TSPAN15: variants seen among roughly 807,000 people sequenced by gnomAD.
TSPAN15 encodes the protein tetraspanin 15, also known as tetraspanin-15.
Under a neutral mutation model 34.5 loss-of-function variants are expected in TSPAN15, and 20 were observed. That is an observed-to-expected ratio of 0.58 (90% CI 0.41 to 0.84). The LOEUF (loss-of-function observed/expected upper bound fraction) is 0.84, where lower values mean the gene tolerates loss of function less well. TSPAN15 is among the 40% of genes least tolerant of loss of function. TSPAN15 has a pLI of 0.00. For missense variants in TSPAN15, 313 were observed against 386.1 expected, an observed-to-expected ratio of 0.81 and a Z score of 1.59; for synonymous variants, 155 against 153.9, an observed-to-expected ratio of 1.01 and a Z score of -0.05.
chr10:69,503,982 C>T (rs1264908362), intron 5 of TSPAN15, among the ~76,000 whole-genome samples: 1 of 152,194 alleles, frequency 6.6e-6, no homozygotes, highest in Admixed American at 6.5e-5. Context: ...GAAGCATGGC[C>T]AGGGGCCCTG....
chr10:69,541,730 G>A, the TSPAN15 span, among the ~76,000 whole-genome samples: 1 of 152,248 alleles, frequency 6.6e-6, no homozygotes, highest in Non-Finnish European at 1.5e-5. Flanking sequence ...GCAGCTGCAG[G>A]TTCAACACCT....
chr10:69,502,305 C>T (rs149032129), intron 5 of TSPAN15, among the ~76,000 whole-genome samples: 125 of 152,308 alleles, frequency 8.2e-4, no homozygotes, highest in African/African-American at 2.9e-3. Flanking sequence ...CAGAGGGCAG[C>T]GTGCTTCTAC....
intron 1 of TSPAN15, among the ~76,000 whole-genome samples, chr10:69,464,465 C>G (rs1338064986): frequency 1.3e-5 from 2 of 152,202 alleles, no homozygotes; most frequent in African/African-American, 4.8e-5. Flanking sequence ...GGGCCATGCC[C>G]TACTGCTGGT....
At chr10:69,518,997 A>G in the TSPAN15 span, among the ~76,000 whole-genome samples, 1 of 152,264 alleles carries the variant, frequency 6.6e-6, no homozygotes, top group Non-Finnish European at 1.5e-5. Context: ...TGTTTATAAT[A>G]GTGAAAAATG....
chr10:69,529,167 G>A, the TSPAN15 span, among the ~76,000 whole-genome samples: 2 of 148,058 alleles, frequency 1.4e-5, no homozygotes, highest in African/African-American at 2.5e-5. Context: ...AGTCCTTCCC[G>A]GGTTCCCAAG....
At chr10:69,495,731 C>G (rs763069359) in intron 4 of TSPAN15, 42 bp downstream of exon 4, 1 of 1,388,264 alleles carries the variant, frequency 7.2e-7, no homozygotes, top group African/African-American at 1.4e-5. Context: ...CTCCCGTGCT[C>G]TTAGCCCCCC....
chr10:69,470,690 C>T (rs1459297810), intron 1 of TSPAN15, among the ~76,000 whole-genome samples: 1 of 152,158 alleles, frequency 6.6e-6, no homozygotes, highest in Non-Finnish European at 1.5e-5. Context: ...AGTCCGAGAC[C>T]AGCCTGGGCA....
At chr10:69,521,378 T>C in the TSPAN15 span, among the ~76,000 whole-genome samples, 3 of 145,752 alleles carry the variant, frequency 2.1e-5, no homozygotes, top group Non-Finnish European at 4.5e-5. Context: ...GGTGTGGTGG[T>C]GCACACCTGT....
At chr10:69,498,920 G>A (rs1310439316) in intron 5 of TSPAN15, among the ~76,000 whole-genome samples, 1 of 152,192 alleles carries the variant, frequency 6.6e-6, no homozygotes, top group East Asian at 1.9e-4. Flanking sequence ...TGCAGCATTA[G>A]TGGAGGCAGG....
At chr10:69,501,383 A>G (rs1842204804) in intron 5 of TSPAN15, among the ~76,000 whole-genome samples, 1 of 152,196 alleles carries the variant, frequency 6.6e-6, no homozygotes, top group African/African-American at 2.4e-5. Flanking sequence ...ACACATGACC[A>G]TTGAGTCTCC....
chr10:69,523,347 C>T, the TSPAN15 span: 25 of 542,082 alleles, frequency 4.6e-5, no homozygotes, highest in South Asian at 1.7e-4. Context: ...GTAGCAGGCT[C>T]CCTCCCACAG....
chr10:69,539,438 G>A, the TSPAN15 span, among the ~76,000 whole-genome samples: 1 of 128,880 alleles, frequency 7.8e-6, no homozygotes, highest in African/African-American at 3.2e-5. Flanking sequence ...AGAAGAAGAA[G>A]AAGGAAGAAG....
the TSPAN15 span, among the ~76,000 whole-genome samples, chr10:69,522,375 CAAAAA>C: frequency 6.2e-5 from 3 of 48,388 alleles, no homozygotes; most frequent in African/African-American, 1.6e-4. Flanking sequence ...GACCTTGTCT[CAAAAA>C]AAAAAAAAAA....
chr10:69,451,829 A>G (rs567966408), intron 1 of TSPAN15, 139 bp downstream of exon 1: 12 of 588,468 alleles, frequency 2.0e-5, no homozygotes, highest in Non-Finnish European at 3.1e-5. Flanking sequence ...TTGTCTTTCT[A>G]CCTCACATTC....
At chr10:69,508,049 G>C (rs1048325373), downstream of TSPAN15, among the ~76,000 whole-genome samples, 10 of 152,144 alleles carry the variant, frequency 6.6e-5, no homozygotes, top group African/African-American at 2.4e-4. Context: ...CCCTGCTGGA[G>C]ATGCCGGGAC....
intron 1 of TSPAN15, among the ~76,000 whole-genome samples, chr10:69,453,715 A>G (rs1841024295): frequency 6.6e-6 from 1 of 152,246 alleles, no homozygotes; most frequent in Non-Finnish European, 1.5e-5. Context: ...GTTAAATAAA[A>G]CTGAACTCTA....
At chr10:69,460,810 G>A (rs1352176476) in intron 1 of TSPAN15, among the ~76,000 whole-genome samples, 1 of 152,164 alleles carries the variant, frequency 6.6e-6, no homozygotes. Context: ...CTTAGGAGAG[G>A]GAGGGCGGGC....
chr10:69,523,858 C>T, the TSPAN15 span, among the ~76,000 whole-genome samples: 46 of 147,892 alleles, frequency 3.1e-4, 3 homozygotes, highest in African/African-American at 1.1e-3. Flanking sequence ...AACTTTATTC[C>T]TCTTTGCCAG....
At chr10:69,513,308 C>G in the TSPAN15 span, among the ~76,000 whole-genome samples, 12 of 152,160 alleles carry the variant, frequency 7.9e-5, no homozygotes, top group Admixed American at 7.9e-4. Flanking sequence ...TTTGTATATG[C>G]TGGATACGGG....
Sources: gnomAD v4.1 joint callset for allele counts (sites outside exome capture counted in the v4.1 genomes callset) on GRCh38, gnomAD v4.1.1 for gene constraint, MANE v1.5 for transcripts, NCBI Gene and HGNC (gene_info 2026-07-23, HGNC 2026-07-21) for gene names.